Variants in CACHD1 observed in about 807,000 individuals in gnomAD.
CACHD1 encodes the protein VWFA and cache domain-containing protein 1.
A neutral mutation model predicts 138.7 loss-of-function variants in CACHD1; 71 were observed. The observed-to-expected ratio is 0.51, with a 90% CI of 0.42 to 0.62. The LOEUF is 0.62. Among genes scored for constraint, CACHD1 ranks in the 20% least tolerant of loss-of-function variants. The probability of loss-of-function intolerance (pLI) is 0.00; values close to 1 mark genes in which losing one functional copy is unlikely to be tolerated. For synonymous variants in CACHD1, 578 were observed against 591.5 expected, an observed-to-expected ratio of 0.98 and a Z score of 0.33; for missense variants, 1,389 against 1,625.3, an observed-to-expected ratio of 0.85 and a Z score of 2.50.
intron 1 of CACHD1, among the ~76,000 whole-genome samples, chr1:64,540,269 T>C (rs1386856658): frequency 6.6e-6 from 1 of 152,158 alleles, no homozygotes; most frequent in East Asian, 1.9e-4. Flanking sequence ...ACCTCCTTTT[T>C]TTTTTCCTTT....
chr1:64,652,508 G>C (rs1161652121), intron 10 of CACHD1, among the ~76,000 whole-genome samples, 198 bp downstream of exon 10: 2 of 152,164 alleles, frequency 1.3e-5, no homozygotes, highest in East Asian at 3.9e-4. Flanking sequence ...TGTTCTTTGA[G>C]GGGTAGGGAA....
rs915414499 is a variant in CACHD1 at position 64,540,277 on chromosome 1, T to G, written c.199-10317T>G. Among the ~76,000 whole-genome samples the G allele has an allele frequency of 2.6e-5, 4 of 152,024 alleles. No homozygotes were observed. In the East Asian group the frequency reaches 5.8e-4, roughly 22 times the overall value. On this transcript the variant is annotated intron_variant, in intron 1 of 26. Coordinates refer to ENST00000651257, the MANE Select transcript of CACHD1 (RefSeq NM_020925.4). ...GCTAAATACCTCCTTTTTTTTTTCC[T>G]TTAAAAGTGAAACAAAAATTGCCTT...
intron 4 of CACHD1, among the ~76,000 whole-genome samples, chr1:64,611,079 G>A (rs185506761): frequency 1.4e-3 from 209 of 152,310 alleles, no homozygotes; most frequent in African/African-American, 5.0e-3. Context: ...TTTTAGCCAT[G>A]GCTGGAGCTG....
chr1:64,654,602 G>C, intron 11 of CACHD1, 84 bp from the exon 12 acceptor site: 1 of 940,344 alleles, frequency 1.1e-6, no homozygotes, highest in Non-Finnish European at 1.7e-6. Flanking sequence ...GGTGGCCATT[G>C]ACTCAACAGC....
chr1:64,628,908 T>C (rs1436757588), intron 4 of CACHD1, among the ~76,000 whole-genome samples: 2 of 152,150 alleles, frequency 1.3e-5, no homozygotes, highest in African/African-American at 4.8e-5. Context: ...GTTTCCTTCA[T>C]TGCAAAGTAA....
intron 19 of CACHD1, 91 bp downstream of exon 19, chr1:64,673,555 T>C: frequency 9.5e-7 from 1 of 1,051,610 alleles, no homozygotes; most frequent in Non-Finnish European, 1.5e-6. Context: ...ATATTATTCC[T>C]ACCTGTTTCA....
At chr1:64,576,881 T>C (rs1046420413) in intron 2 of CACHD1, among the ~76,000 whole-genome samples, 23 of 151,400 alleles carry the variant, frequency 1.5e-4, no homozygotes, top group African/African-American at 5.6e-4. Flanking sequence ...TCAGGTAATA[T>C]TAGGTTTTGG....
Position 64,632,711 on chromosome 1 carries a change from G to A in CACHD1, c.757G>A (p.Val253Ile). The change falls in exon 6 of 27, where the codon GTC becomes ATC. Residue 253 changes from valine to isoleucine, a missense_variant. Physicochemically the swap from Val to Ile is conservative, Grantham distance 29. Coordinates refer to ENST00000651257, the MANE Select transcript of CACHD1 (RefSeq NM_020925.4). ...QLQIAKDAAQ[V>I]ILSAIDEHDK... is the part of the protein sequence containing the mutation. The stretch of plus-strand genomic sequence containing the variant: ...TCAGATTGCCAAGGACGCTGCTCAG[G>A]TCATCCTCAGCGCCATCGATGAACA... 1 of 1,614,134 alleles carries A rather than the reference G, an allele frequency of 6.2e-7. No homozygotes were observed. The highest frequency in any genetic ancestry group is 8.5e-7 in the Non-Finnish European group (1 of 1,180,008).
chr1:64,662,430 G>A (rs754243196), intron 13 of CACHD1, among the ~76,000 whole-genome samples: 15 of 152,128 alleles, frequency 9.9e-5, no homozygotes, highest in African/African-American at 1.4e-4. Context: ...GTGTGGCACC[G>A]GACAGGATGA....
chr1:64,482,548 GT>G (rs1646217412), intron 1 of CACHD1, among the ~76,000 whole-genome samples: 1 of 152,088 alleles, frequency 6.6e-6, no homozygotes, highest in African/African-American at 2.4e-5. Flanking sequence ...GCCCTGAGTG[GT>G]TTTGGGGGAA....
chr1:64,543,035 A>G (rs1206909857), intron 1 of CACHD1, among the ~76,000 whole-genome samples: 1 of 152,178 alleles, frequency 6.6e-6, no homozygotes, highest in East Asian at 1.9e-4. Context: ...TAATATTTAT[A>G]TATTTAAATG....
chr1:64,671,341 C>CTTATAAATAAGAT (rs1649809165), intron 16 of CACHD1, among the ~76,000 whole-genome samples: 1 of 152,046 alleles, frequency 6.6e-6, no homozygotes, highest in Admixed American at 6.6e-5. Context: ...TTGGGCCACT[C>CTTATAAATAAGAT]TTATTTATAC....
chr1:64,523,470 G>A (rs1646513128), intron 1 of CACHD1, among the ~76,000 whole-genome samples: 2 of 152,134 alleles, frequency 1.3e-5, no homozygotes, highest in African/African-American at 4.8e-5. Flanking sequence ...TTCTGAGTTT[G>A]GATGCTTGTG....
Position 64,470,732 on chromosome 1 carries a change from G to C in CACHD1, c.-13G>C, listed in dbSNP as rs570349136. 10 of 573,108 alleles carry C rather than the reference G, an allele frequency of 1.7e-5. No homozygotes were observed. Among genetic ancestry groups the C allele is most frequent in the East Asian group, 3.5e-5 (1 of 28,842 alleles). 35.5% of individuals were successfully genotyped at this position (573,108 alleles called of 1,614,324 possible). A position where few individuals can be genotyped will look rare whatever the true frequency, so the allele number is the denominator to read the frequency against. ...CGCCCGGAGCCCGTCGGCGGGGAGT[G>C]GGGGGAGGCAGCATGGCCCGCCAGC... On this transcript the variant is annotated 5_prime_UTR_variant, in exon 1 of 27. Coordinates refer to ENST00000651257, the MANE Select transcript of CACHD1 (RefSeq NM_020925.4). The surrounding 1 kb of genome is among the most constrained non-coding windows in gnomAD (Gnocchi z 5.2).
Position 64,663,562 on chromosome 1 carries a change from A to G in CACHD1, c.1952-133A>G, listed in dbSNP as rs1055552252. On this transcript the variant is annotated intron_variant, in intron 13 of 26. Coordinates refer to ENST00000651257, the MANE Select transcript of CACHD1 (RefSeq NM_020925.4). ...CGAGACTCCATCTGAAAAAAAAAAA[A>G]AAAGAAAAAAAGGAAAAAAAAAGAC... 27 of 1,208,034 alleles carry G rather than the reference A, an allele frequency of 2.2e-5. No homozygotes were observed. In the African/African-American group the frequency reaches 3.5e-4, roughly 16 times the overall value. The allele number at this position is 1,208,034 out of a possible 1,614,324, so 74.8% of individuals were successfully genotyped here. A position where few individuals can be genotyped will look rare whatever the true frequency, so the allele number is the denominator to read the frequency against.
intron 4 of CACHD1, among the ~76,000 whole-genome samples, chr1:64,614,878 C>G (rs1647657400): frequency 6.6e-6 from 1 of 152,064 alleles, no homozygotes; most frequent in Non-Finnish European, 1.5e-5. Context: ...TTCCCTGCTT[C>G]TCTTCCCTCT....
chr1:64,540,323 G>T (rs1483576053), intron 1 of CACHD1, among the ~76,000 whole-genome samples: 1 of 152,098 alleles, frequency 6.6e-6, no homozygotes, highest in African/African-American at 2.4e-5. Flanking sequence ...TAGGGGGTAG[G>T]GGTGGAGGCG....
intron 7 of CACHD1, among the ~76,000 whole-genome samples, chr1:64,637,188 T>A (rs562399210): frequency 6.6e-6 from 1 of 152,366 alleles, no homozygotes; most frequent in Non-Finnish European, 1.5e-5. Flanking sequence ...TAGTTTTGAT[T>A]ATTATACTTT....
intron 1 of CACHD1, among the ~76,000 whole-genome samples, chr1:64,520,168 C>G (rs1646487821): frequency 6.6e-6 from 1 of 152,310 alleles, no homozygotes; most frequent in South Asian, 2.1e-4. Flanking sequence ...TCCAACTGTG[C>G]CGGACTCATG....
Sources: gnomAD v4.1 joint callset for allele counts (sites outside exome capture counted in the v4.1 genomes callset) on GRCh38, gnomAD v4.1.1 for gene constraint, Gnocchi (gnomAD v3.1) non-coding constraint, MANE v1.5 for transcripts, NCBI Gene and HGNC (gene_info 2026-07-23, HGNC 2026-07-21) for gene names.